THOC1: variants seen among roughly 807,000 people sequenced by gnomAD.
THOC1 encodes THO complex 1.
Under a neutral mutation model 97.3 loss-of-function variants are expected in THOC1, and 29 were observed. The ratio of observed to expected loss-of-function variants is 0.30; its 90% CI spans 0.22 to 0.41. The LOEUF (loss-of-function observed/expected upper bound fraction) is 0.41, where lower values mean the gene tolerates loss of function less well. THOC1 is among the 10% of genes least tolerant of loss of function. The pLI is 1.00. For synonymous variants in THOC1, 255 were observed against 257.0 expected (o/e 0.99, Z 0.07); for missense variants, 529 against 761.9 (o/e 0.69, Z 3.60).
rs1352237209 is a variant in THOC1 at position 224,839 on chromosome 18, A to C, written c.1208+85T>G. ...ATATACATGTATTTTTACATGCTAT[A>C]ATCATATCGGAGCACATTTTCAAAA... is the stretch of plus-strand genomic sequence containing the variant. On this transcript the variant is annotated intron_variant, in intron 15 of 20. Coordinates refer to ENST00000261600, the MANE Select transcript of THOC1 (RefSeq NM_005131.3). 3 of 1,076,854 alleles carry C rather than the reference A, an allele frequency of 2.8e-6. No homozygotes were observed. In the African/African-American group the frequency reaches 4.8e-5, roughly 17 times the overall value. 66.7% of individuals were successfully genotyped at this position (1,076,854 alleles called of 1,614,324 possible).
intron 10 of THOC1, among the ~76,000 whole-genome samples, chr18:246,916 CAAAA>C (rs36101469): frequency 1.0e-4 from 10 of 98,216 alleles, no homozygotes; most frequent in Middle Eastern, 5.0e-3. Flanking sequence ...GGCTCCGTCT[CAAAA>C]AAAAAAAAAA....
intron 11 of THOC1, among the ~76,000 whole-genome samples, chr18:227,631 A>G (rs1185487208): frequency 6.6e-6 from 1 of 152,034 alleles, no homozygotes; most frequent in Non-Finnish European, 1.5e-5. Flanking sequence ...CCTGCCATCC[A>G]GCTGTAAGAA....
intron 7 of THOC1, among the ~76,000 whole-genome samples, chr18:257,639 A>G (rs1912477186): frequency 6.6e-6 from 1 of 152,206 alleles, no homozygotes; most frequent in Non-Finnish European, 1.5e-5. Context: ...ACAGCCAATG[A>G]TAACCAGACA....
At chr18:249,121 T>C (rs1567853447) in intron 9 of THOC1, among the ~76,000 whole-genome samples, 1 of 152,168 alleles carries the variant, frequency 6.6e-6, no homozygotes, top group Non-Finnish European at 1.5e-5. Flanking sequence ...AAATCAACAG[T>C]GAAGAATACT....
chr18:254,682 C>A lies in THOC1; in HGVS notation c.521-327G>T, dbSNP rs1452053488. Among the ~76,000 whole-genome samples the A allele has an allele frequency of 6.6e-6, 1 of 152,098 alleles. No individual in the cohort carries two copies. The highest frequency in any genetic ancestry group is 1.5e-5 in the Non-Finnish European group (1 of 68,018). On this transcript the variant is annotated intron_variant, in intron 7 of 20. Coordinates refer to ENST00000261600, the MANE Select transcript of THOC1 (RefSeq NM_005131.3). The surrounding 1 kb of genome is among the most constrained non-coding windows in gnomAD (Gnocchi z 4.1). ...CATTTTGGTAATTCTCACAATATTT[C>A]AAACTTTTTCATTATTATTATATCT...
Position 214,605 on chromosome 18 carries a change from T to TAAAAAGAAA in THOC1, c.*12_*20dup, listed in dbSNP as rs761403758. The TAAAAAGAAA allele has an allele frequency of 8.2e-5, 129 of 1,579,182 alleles. No homozygotes were observed. The highest frequency in any genetic ancestry group is 1.1e-4 in the Non-Finnish European group (128 of 1,163,350). ...GTAACAAAATCTATCACAGTTTTAA[T>TAAAAAGAAA]AAAAAGAAAAAAAAAAGAAGCTAAC... On this transcript the variant is annotated 3_prime_UTR_variant, in exon 21 of 21. Transcript: ENST00000261600.
At chr18:231,798 T>C (rs1412940389) in intron 11 of THOC1, among the ~76,000 whole-genome samples, 2 of 152,212 alleles carry the variant, frequency 1.3e-5, no homozygotes, top group Non-Finnish European at 2.9e-5. Flanking sequence ...TTACTACATA[T>C]GTAAACATCT....
intron 3 of THOC1, 71 bp from the exon 4 acceptor site, chr18:264,163 A>G: frequency 3.3e-6 from 3 of 917,190 alleles, no homozygotes; most frequent in Non-Finnish European, 5.1e-6. Flanking sequence ...CAGTAAAAAC[A>G]TGTACTCTGA....
intron 9 of THOC1, among the ~76,000 whole-genome samples, chr18:249,476 A>G (rs1004162840): frequency 6.6e-6 from 1 of 152,068 alleles, no homozygotes; most frequent in African/African-American, 2.4e-5. Context: ...AGCCTGACCA[A>G]CATACTGAAA....
chr18:238,114 C>T (rs981055354), intron 11 of THOC1, among the ~76,000 whole-genome samples: 1 of 152,154 alleles, frequency 6.6e-6, no homozygotes, highest in Non-Finnish European at 1.5e-5. Flanking sequence ...GATTTGCCCA[C>T]CTTGGCCTCC....
At chr18:266,518 G>A (rs1490331836) in intron 1 of THOC1, among the ~76,000 whole-genome samples, 1 of 150,920 alleles carries the variant, frequency 6.6e-6, no homozygotes, top group Non-Finnish European at 1.5e-5. Context: ...CAATTTCATG[G>A]TCCTTTTCAG....
In THOC1 at chr18:252,572, C is replaced by T; in HGVS notation, c.644G>A (p.Gly215Asp). 3 of 1,609,614 alleles carry T rather than the reference C, an allele frequency of 1.9e-6. No individual in the cohort carries two copies. Among genetic ancestry groups the T allele is most frequent in the Non-Finnish European group, 2.5e-6 (3 of 1,178,636 alleles). Residue 215 changes from glycine (G) to aspartate (D), a missense_variant, in exon 9 of 21, where the codon GGC (glycine) becomes GAC (aspartate). Coordinates refer to ENST00000261600, the MANE Select transcript of THOC1 (RefSeq NM_005131.3). ...TGGAGCTTCCTCGTCTCCCATTTCG[C>T]CTTCTTCTACATCCATTCCTTCTTC... ...DREEGMDVEEGEMGDEEAPTT... is the reference protein window; with the variant it reads ...DREEGMDVEEDEMGDEEAPTT...
Position 258,685 on chromosome 18 carries a change from G to A in THOC1, c.520+495C>T, listed in dbSNP as rs149144080. The stretch of plus-strand genomic sequence containing the variant: ...GCATATTTGAACATACTGGGGAGGC[G>A]GAAGGCTCTGGAGGACAAGCAATGT... On this transcript the variant is annotated intron_variant, in intron 7 of 20. Coordinates refer to ENST00000261600, the MANE Select transcript of THOC1 (RefSeq NM_005131.3). Among the ~76,000 whole-genome samples the A allele has an allele frequency of 6.1e-4, 93 of 152,200 alleles. 1 individual carries two copies. In the East Asian group the frequency reaches 0.013, roughly 22 times the overall value.
At chr18:232,667 A>C (rs1455636106) in intron 11 of THOC1, among the ~76,000 whole-genome samples, 1 of 152,004 alleles carries the variant, frequency 6.6e-6, no homozygotes, top group Non-Finnish European at 1.5e-5. Context: ...AGTTTTTACA[A>C]AAGTATTCTG....
intron 17 of THOC1, among the ~76,000 whole-genome samples, chr18:220,263 A>C (rs1248509408): frequency 6.6e-6 from 1 of 152,208 alleles, no homozygotes; most frequent in Non-Finnish European, 1.5e-5. Context: ...ACCCACAATA[A>C]GAAATTCATT....
chr18:239,088 A>G (rs925782386), intron 11 of THOC1, among the ~76,000 whole-genome samples: 6 of 152,240 alleles, frequency 3.9e-5, no homozygotes, highest in Non-Finnish European at 8.8e-5. Context: ...GTGAACAACT[A>G]AATCAAGCTG....
rs1260503912 is a variant in THOC1 at position 246,304 on chromosome 18, T to C, written c.918+20A>G. 3 of 1,501,034 alleles carry C rather than the reference T, an allele frequency of 2.0e-6. No homozygotes were observed. In the Admixed American group the frequency reaches 6.3e-5, roughly 31 times the overall value. 93.0% of individuals were successfully genotyped at this position (1,501,034 alleles called of 1,614,324 possible). On this transcript the variant is annotated intron_variant, in intron 11 of 20. Coordinates refer to ENST00000261600, the MANE Select transcript of THOC1 (RefSeq NM_005131.3). ...CAAGACCATTTCTTATTATGCTTAA[T>C]GAAAAAGAAAAACTTATACCTTTTC...
Position 214,896 on chromosome 18 carries a change from A to G in THOC1, c.1704T>C (p.Pro568=). Reference sequence around the variant, plus strand: ...ATACCTCTATTTGTTCTCCTGTTACAGGTTTGTCTCGCCGAACATCAGGAC... The same window carrying G: ...ATACCTCTATTTGTTCTCCTGTTACGGGTTTGTCTCGCCGAACATCAGGAC... ...NESPDVRRDK[P]VTGEQIEVFA... The change falls in exon 21 of 21, where the codon CCT becomes CCC. Residue 568 remains proline, a synonymous_variant. Transcript: ENST00000261600. 7 of 1,613,916 alleles carry G rather than the reference A, an allele frequency of 4.3e-6. No individual in the cohort carries two copies. The highest frequency in any genetic ancestry group is 5.9e-6 in the Non-Finnish European group (7 of 1,179,832).
At chr18:235,995 T>C (rs1254915614) in intron 11 of THOC1, among the ~76,000 whole-genome samples, 1 of 152,204 alleles carries the variant, frequency 6.6e-6, no homozygotes, top group African/African-American at 2.4e-5. Flanking sequence ...TGAGGGTATA[T>C]TGTTAAATAC....
Sources: allele counts gnomAD v4.1 joint callset (sites outside exome capture counted in the v4.1 genomes callset), GRCh38; gene constraint gnomAD v4.1.1; non-coding constraint Gnocchi (gnomAD v3.1); transcripts MANE v1.5; gene names NCBI Gene and HGNC (gene_info 2026-07-23, HGNC 2026-07-21).